The following ANO4 variants were observed in gnomAD, a reference collection of about 807,000 sequenced individuals.
ANO4 encodes anoctamin-4.
In ANO4, 69 loss-of-function variants were observed where a neutral mutation model predicts 141.9. The ratio of observed to expected loss-of-function variants is 0.49; its 90% CI spans 0.40 to 0.59. The LOEUF (loss-of-function observed/expected upper bound fraction) is 0.59. Among genes scored for constraint, ANO4 ranks in the 20% least tolerant of loss-of-function variants. ANO4 has a pLI of 0.00. For missense variants in ANO4, 894 were observed against 1,162.2 expected (o/e 0.77, Z 3.36); for synonymous variants, 350 against 394.3 (o/e 0.89, Z 1.33).
intron 5 of ANO4, among the ~76,000 whole-genome samples, chr12:100,956,458 C>T (rs1250785065): frequency 6.6e-6 from 1 of 152,120 alleles, no homozygotes; most frequent in Non-Finnish European, 1.5e-5. Flanking sequence ...CTTAGCAGTC[C>T]AGCAGGCAGG....
chr12:100,743,257 G>A (rs2031954531), intron 3 of ANO4, among the ~76,000 whole-genome samples: 1 of 149,902 alleles, frequency 6.7e-6, no homozygotes, highest in African/African-American at 2.4e-5. Context: ...AATACTAATA[G>A]TATTAAAATA....
At chr12:100,872,031 A>T (rs796713744) in intron 1 of ANO4, among the ~76,000 whole-genome samples, 21 of 152,354 alleles carry the variant, frequency 1.4e-4, no homozygotes, top group African/African-American at 5.1e-4. Flanking sequence ...GATTGCCACT[A>T]ATAACTCAAA....
At chr12:100,739,307 CT>C (rs1212028049) in intron 2 of ANO4, among the ~76,000 whole-genome samples, 1 of 152,054 alleles carries the variant, frequency 6.6e-6, no homozygotes, top group Non-Finnish European at 1.5e-5. Flanking sequence ...CCTCCCTCCC[CT>C]GAACTCCTGA....
At chr12:101,084,658 C>G (rs1470455229) in intron 16 of ANO4, among the ~76,000 whole-genome samples, 1 of 152,182 alleles carries the variant, frequency 6.6e-6, no homozygotes, top group African/African-American at 2.4e-5. Context: ...TACCCAGACT[C>G]CTTGGCTCAG....
At position 100,901,747 on chromosome 12, in the gene ANO4, A is replaced by G. The variant is rs1377576726; in HGVS notation, c.-39A>G. The G allele has an allele frequency of 7.5e-6, 12 of 1,597,910 alleles. No individual in the cohort carries two copies. Among genetic ancestry groups the G allele is most frequent in the Non-Finnish European group, 1.0e-5 (12 of 1,165,370 alleles). On this transcript the variant is annotated 5_prime_UTR_variant, in exon 2 of 28. Transcript: ENST00000392977. ...GTCACGTCGTCGCCTGCCTGTGGTC[A>G]GGCATTCCTCACTCCCACCAGGCAG...
chr12:100,899,600 A>G (rs1343778087), intron 1 of ANO4, among the ~76,000 whole-genome samples: 1 of 152,176 alleles, frequency 6.6e-6, no homozygotes, highest in Non-Finnish European at 1.5e-5. Flanking sequence ...ATCTGATTTG[A>G]GTCATCCTTC....
At chr12:101,110,339 G>T in intron 22 of ANO4, 65 bp from the exon 23 acceptor site, 1 of 1,473,650 alleles carries the variant, frequency 6.8e-7, no homozygotes, top group Non-Finnish European at 9.1e-7. Flanking sequence ...TTCAGATTAT[G>T]ATCCCTTTGA....
chr12:100,995,830 C>T (rs2045343820), intron 8 of ANO4, among the ~76,000 whole-genome samples: 1 of 152,172 alleles, frequency 6.6e-6, no homozygotes, highest in Non-Finnish European at 1.5e-5. Flanking sequence ...GAGCAAGGGG[C>T]ACCCAGGGAA....
intron 1 of ANO4, among the ~76,000 whole-genome samples, chr12:100,823,871 CA>C (rs2036189250): frequency 6.6e-6 from 1 of 151,916 alleles, no homozygotes; most frequent in Non-Finnish European, 1.5e-5. Flanking sequence ...AATGGGTAGG[CA>C]ATTACAGTTC....
At chr12:100,747,010 G>C (rs1408418765) in intron 3 of ANO4, among the ~76,000 whole-genome samples, 1 of 152,156 alleles carries the variant, frequency 6.6e-6, no homozygotes, top group Non-Finnish European at 1.5e-5. Context: ...ATTCTTAGCT[G>C]TGGGGGTTGT....
intron 14 of ANO4, chr12:101,067,096 T>G (rs2048626947): frequency 2.5e-6 from 1 of 399,306 alleles, no homozygotes; most frequent in African/African-American, 2.1e-5. Context: ...TTGCTATTCA[T>G]TTAGTTTAAA....
At chr12:100,937,399 G>A (rs1381489558) in intron 3 of ANO4, among the ~76,000 whole-genome samples, 1 of 152,170 alleles carries the variant, frequency 6.6e-6, no homozygotes, top group Non-Finnish European at 1.5e-5. Flanking sequence ...CAACAATTAT[G>A]GGAGGGAGAT....
At chr12:101,127,097 G>A (rs3741954) in intron 27 of ANO4, 23 bp downstream of exon 27, 240,294 of 1,595,492 alleles carry the variant, frequency 0.15, 18,620 homozygotes, top group East Asian at 0.2. Context: ...TGTGCTCAGC[G>A]TCTGAGGCCA....
At chr12:101,051,899 A>G (rs1168716087) in intron 14 of ANO4, among the ~76,000 whole-genome samples, 3 of 152,152 alleles carry the variant, frequency 2.0e-5, no homozygotes, top group Non-Finnish European at 4.4e-5. Flanking sequence ...TGAGACAGTA[A>G]TGTTCTATAA....
At chr12:100,900,022 C>G (rs1050514282) in intron 1 of ANO4, among the ~76,000 whole-genome samples, 3 of 152,150 alleles carry the variant, frequency 2.0e-5, no homozygotes, top group Admixed American at 6.5e-5. Context: ...GGCTACTTTT[C>G]TGAATGTTTC....
intron 1 of ANO4, among the ~76,000 whole-genome samples, chr12:100,803,057 A>G (rs749036749): frequency 6.6e-6 from 1 of 152,194 alleles, no homozygotes; most frequent in Non-Finnish European, 1.5e-5. Flanking sequence ...ATTTAAAGAA[A>G]AGTACTACGG....
intron 8 of ANO4, among the ~76,000 whole-genome samples, chr12:101,017,807 A>G (rs1258762716): frequency 6.6e-6 from 1 of 152,204 alleles, no homozygotes. Flanking sequence ...TAGGGATTGA[A>G]TAAGTTCATG....
At chr12:100,920,799 G>T (rs970362169) in intron 2 of ANO4, among the ~76,000 whole-genome samples, 1 of 152,132 alleles carries the variant, frequency 6.6e-6, no homozygotes, top group Non-Finnish European at 1.5e-5. Flanking sequence ...TACCTAGTCT[G>T]TCTCTATATA....
At position 100,919,730 on chromosome 12, in the gene ANO4, A is replaced by G. The variant is rs201817093; in HGVS notation, c.56-2496A>G. On this transcript the variant is annotated intron_variant, in intron 2 of 27. Coordinates refer to ENST00000392977, the MANE Select transcript of ANO4 (RefSeq NM_001286615.2). ...TATGTATGTATGTATGTATGTGTGT[A>G]TGTATGTATCTATCTATCTATCTAT... 6.2e-3 allele frequency among the ~76,000 whole-genome samples: 770 copies of G among 123,906 alleles called. 14 individuals are homozygous for G. The highest frequency in any genetic ancestry group is 0.021 in the African/African-American group (717 of 33,712). 81.3% of individuals were successfully genotyped at this position (123,906 alleles called of 152,430 possible). A position where few individuals can be genotyped will look rare whatever the true frequency, so the allele number is the denominator to read the frequency against.
Sources: gnomAD v4.1 joint callset for allele counts (sites outside exome capture counted in the v4.1 genomes callset) on GRCh38, gnomAD v4.1.1 for gene constraint, MANE v1.5 for transcripts, NCBI Gene and HGNC (gene_info 2026-07-23, HGNC 2026-07-21) for gene names.